Variants in RHBDD1 observed in about 807,000 individuals in gnomAD.
RHBDD1 encodes the protein rhomboid domain containing 1.
Under a neutral mutation model 36.3 loss-of-function variants are expected in RHBDD1, and 38 were observed. That is an observed-to-expected ratio of 1.05 (90% CI 0.81 to 1.37). RHBDD1 has a LOEUF of 1.37. Ranked by LOEUF, RHBDD1 falls within the 40% of genes most tolerant of loss-of-function variation. The pLI, the probability that RHBDD1 is intolerant of heterozygous loss-of-function variation, is 0.00. For synonymous variants in RHBDD1, 151 were observed against 136.5 expected (o/e 1.11, Z -0.74); for missense variants, 393 against 377.6 (o/e 1.04, Z -0.34).
intron 5 of RHBDD1, among the ~76,000 whole-genome samples, chr2:226,879,066 G>A (rs1400108405): frequency 4.8e-5 from 6 of 123,902 alleles, no homozygotes; most frequent in Admixed American, 2.5e-4. Context: ...GTCACAACTG[G>A]CATTCCAAAA....
At chr2:226,994,950 A>G (rs1014397501) in intron 8 of RHBDD1, among the ~76,000 whole-genome samples, 3 of 152,296 alleles carry the variant, frequency 2.0e-5, no homozygotes, top group African/African-American at 7.2e-5. Flanking sequence ...GTGTGTTTCA[A>G]TCACGCATGA....
intron 3 of RHBDD1, among the ~76,000 whole-genome samples, chr2:226,863,357 C>G (rs1944032761): frequency 6.6e-6 from 1 of 152,136 alleles, no homozygotes. Flanking sequence ...TAAATACATT[C>G]ATTCATTCAT....
At chr2:226,887,400 T>A (rs886146598) in intron 5 of RHBDD1, among the ~76,000 whole-genome samples, 2 of 152,224 alleles carry the variant, frequency 1.3e-5, no homozygotes, top group African/African-American at 2.4e-5. Flanking sequence ...GGGCTTATGA[T>A]CCTGTAATTT....
intron 8 of RHBDD1, among the ~76,000 whole-genome samples, chr2:226,935,849 A>T (rs1288521212): frequency 6.6e-6 from 1 of 152,130 alleles, no homozygotes; most frequent in Non-Finnish European, 1.5e-5. Flanking sequence ...CTTGATAAAC[A>T]CATGTATTAG....
At position 226,867,229 on chromosome 2, in the gene RHBDD1, T is replaced by C. The variant is rs373928835; in HGVS notation, c.477T>C (p.Pro159=). 3.1e-6 allele frequency: 5 copies of C among 1,613,330 alleles called. No individual in the cohort carries two copies. The African/African-American group carries it at 5.3e-5, about 17-fold the overall frequency. Residue 159 remains proline (P), a synonymous_variant, in exon 5 of 9, where the codon CCT becomes CCC. Coordinates refer to ENST00000392062, the MANE Select transcript of RHBDD1 (RefSeq NM_001167608.3). The stretch of plus-strand genomic sequence containing the variant: ...AAGTTCTTAACAACCATTATTGCCC[T>C]GGAGGCTTTGTCAACATTTTGGGCT... The part of the protein sequence containing the change: ...ALKVLNNHYC[P]GGFVNILGFP...
At chr2:226,911,698 C>A (rs1446333114) in intron 7 of RHBDD1, among the ~76,000 whole-genome samples, 1 of 151,714 alleles carries the variant, frequency 6.6e-6, no homozygotes, top group African/African-American at 2.4e-5. Context: ...TGGATAGAGA[C>A]CAGTTTAAGA....
chr2:226,935,161 G>A (rs961368887), intron 8 of RHBDD1: 2 of 152,124 alleles, frequency 1.3e-5, no homozygotes, highest in Admixed American at 1.3e-4. Flanking sequence ...TACTACAAAA[G>A]TCTTGGCTTG....
At chr2:226,830,155 A>G in the RHBDD1 span, among the ~76,000 whole-genome samples, 1 of 152,206 alleles carries the variant, frequency 6.6e-6, no homozygotes, top group Non-Finnish European at 1.5e-5. Flanking sequence ...TTCAAATTCT[A>G]ATCTCCAAGG....
At position 226,852,966 on chromosome 2, in the gene RHBDD1, G is replaced by C. The variant is rs974228767; in HGVS notation, c.-90-11638G>C. ...TTATTATTTGTAGAGATGAGGTCTT[G>C]CTATGTTTTCCAGGCTGGTCTTGAA... On this transcript the variant is annotated intron_variant, in intron 3 of 8. Transcript: ENST00000392062. Among the ~76,000 whole-genome samples, 23 of 148,772 alleles carry C rather than the reference G, an allele frequency of 1.5e-4. 1 individual carries two copies. The highest frequency in any genetic ancestry group is 4.7e-4 in the African/African-American group (19 of 40,824).
At chr2:226,825,763 G>T in the RHBDD1 span, among the ~76,000 whole-genome samples, 1 of 152,176 alleles carries the variant, frequency 6.6e-6, no homozygotes, top group African/African-American at 2.4e-5. Flanking sequence ...TAGAAAGAAA[G>T]GTGAAATCAT....
At chr2:226,922,365 G>C (rs113886752) in intron 8 of RHBDD1, among the ~76,000 whole-genome samples, 2 of 151,556 alleles carry the variant, frequency 1.3e-5, no homozygotes, top group South Asian at 4.2e-4. Context: ...CTGCTGCCAC[G>C]CCCGGCTAAT....
At chr2:226,988,386 T>G (rs757539043) in intron 8 of RHBDD1, 9 of 1,550,142 alleles carry the variant, frequency 5.8e-6, no homozygotes, top group Non-Finnish European at 7.8e-6. Flanking sequence ...AAGATAAAGG[T>G]CAGAACAGAC....
At chr2:226,991,824 G>A (rs1164733145) in intron 8 of RHBDD1, among the ~76,000 whole-genome samples, 5 of 152,210 alleles carry the variant, frequency 3.3e-5, no homozygotes, top group African/African-American at 1.2e-4. Context: ...GACCCTGGAA[G>A]TCCCCTTTTT....
intron 7 of RHBDD1, among the ~76,000 whole-genome samples, chr2:226,911,478 T>G (rs1559262117): frequency 6.6e-6 from 1 of 152,094 alleles, no homozygotes; most frequent in Non-Finnish European, 1.5e-5. Flanking sequence ...TGCCACTTTC[T>G]TTGATTCTTT....
chr2:226,878,392 A>T (rs558128113), intron 5 of RHBDD1, among the ~76,000 whole-genome samples: 2 of 152,220 alleles, frequency 1.3e-5, no homozygotes, highest in Non-Finnish European at 2.9e-5. Context: ...CCACTCAGCC[A>T]TTAAGAGGTG....
At chr2:226,802,105 G>C in the RHBDD1 span, among the ~76,000 whole-genome samples, 1 of 151,820 alleles carries the variant, frequency 6.6e-6, no homozygotes, top group Non-Finnish European at 1.5e-5. Context: ...GGGGAGGGTT[G>C]GAAAATTTAT....
rs10666758 is a variant in RHBDD1, at chr2:226,958,702, CTGTGTGTGTGTGTGTGTGTGTG to C, written c.857-36707_857-36686del. On this transcript the variant is annotated intron_variant, in intron 8 of 8. Coordinates refer to ENST00000392062, the MANE Select transcript of RHBDD1 (RefSeq NM_001167608.3). ...TTTGAGTTTAGGATGAAGGATTTTT[CTGTGTGTGTGTGTGTGTGTGTG>C]TGTGTGTGTGTGTGTGTGTGTAAAT... Among the ~76,000 whole-genome samples the C allele has an allele frequency of 1.4e-3, 195 of 138,938 alleles. 1 individual carries two copies. Among genetic ancestry groups the C allele is most frequent in the African/African-American group, 4.9e-3 (181 of 37,200 alleles). 91.1% of individuals were successfully genotyped at this position (138,938 alleles called of 152,430 possible). A position where few individuals can be genotyped will look rare whatever the true frequency, so the allele number is the denominator to read the frequency against.
upstream of RHBDD1, among the ~76,000 whole-genome samples, chr2:226,832,873 T>C (rs1050349021): frequency 6.6e-6 from 1 of 152,102 alleles, no homozygotes; most frequent in African/African-American, 2.4e-5. Context: ...TAGCCAGGCA[T>C]GGTGGCGGGC....
At chr2:226,968,458 G>A (rs997105578) in intron 8 of RHBDD1, among the ~76,000 whole-genome samples, 41 of 152,134 alleles carry the variant, frequency 2.7e-4, no homozygotes, top group Admixed American at 2.6e-4. Context: ...CCTTTTAACC[G>A]ATTGAATCAG....
Sources: allele counts gnomAD v4.1 joint callset (sites outside exome capture counted in the v4.1 genomes callset), GRCh38; gene constraint gnomAD v4.1.1; transcripts MANE v1.5; gene names NCBI Gene and HGNC (gene_info 2026-07-23, HGNC 2026-07-21).